ANKRD44: variants seen among roughly 807,000 people sequenced by gnomAD.
ANKRD44 encodes the protein ankyrin repeat domain 44, also known as serine/threonine-protein phosphatase 6 regulatory ankyrin repeat subunit B.
ANKRD44 carries 35 observed loss-of-function variants against 116.0 expected under a neutral mutation model. The ratio of observed to expected loss-of-function variants is 0.30; its 90% CI spans 0.23 to 0.40. The LOEUF is 0.40. Among genes scored for constraint, ANKRD44 ranks in the 10% least tolerant of loss-of-function variants. ANKRD44 has a pLI of 1.00. For synonymous variants in ANKRD44, 435 were observed against 461.8 expected, an observed-to-expected ratio of 0.94 and a Z score of 0.74; for missense variants, 1,014 against 1,242.6, an observed-to-expected ratio of 0.82 and a Z score of 2.77.
In ANKRD44 at chr2:196,987,719, C is replaced by T. The variant is rs924186945; in HGVS notation, c.*1872G>A. 1 of 985,368 alleles carries T rather than the reference C, an allele frequency of 1.0e-6. No homozygotes were observed. The highest frequency in any genetic ancestry group is 1.2e-6 in the Non-Finnish European group (1 of 829,902). 61.0% of individuals were successfully genotyped at this position (985,368 alleles called of 1,614,324 possible). On this transcript the variant is annotated 3_prime_UTR_variant, in exon 28 of 28. Transcript: ENST00000282272. ...GAGATAGTAATGTATTTAGCAAAGA[C>T]AGGCAGACACTGGCAAATAAGTAAG...
chr2:197,260,801 T>G (rs1306485983), intron 1 of ANKRD44, among the ~76,000 whole-genome samples: 1 of 142,786 alleles, frequency 7.0e-6, no homozygotes, highest in African/African-American at 2.6e-5. Flanking sequence ...GGTATCTCAT[T>G]GTGGTTTTGA....
At chr2:197,209,318 C>T (rs1216147549) in intron 1 of ANKRD44, among the ~76,000 whole-genome samples, 1 of 152,124 alleles carries the variant, frequency 6.6e-6, no homozygotes, top group Non-Finnish European at 1.5e-5. Context: ...CTGCTTCAGC[C>T]CTGCTAAATC....
chr2:197,127,462 A>G, intron 4 of ANKRD44, among the ~76,000 whole-genome samples: 1 of 152,172 alleles, frequency 6.6e-6, no homozygotes, highest in Non-Finnish European at 1.5e-5. Flanking sequence ...TTTACAAGGG[A>G]GTAATTTGAT....
At chr2:197,007,959 G>A (rs1482892799) in intron 19 of ANKRD44, 36 bp from the exon 20 acceptor site, 1 of 1,460,882 alleles carries the variant, frequency 6.8e-7, no homozygotes, top group African/African-American at 1.4e-5. Context: ...TTAAAAAGGA[G>A]ATTTAAAAAA....
At chr2:197,020,949 TCCC>T (rs953887278) in intron 17 of ANKRD44, among the ~76,000 whole-genome samples, 4 of 151,436 alleles carry the variant, frequency 2.6e-5, no homozygotes, top group Non-Finnish European at 5.9e-5. Context: ...CCCTCCTCCC[TCCC>T]CCCATCCCAC....
At chr2:197,107,645 C>T (rs1025689151) in intron 9 of ANKRD44, among the ~76,000 whole-genome samples, 1 of 152,292 alleles carries the variant, frequency 6.6e-6, no homozygotes, top group South Asian at 2.1e-4. Flanking sequence ...AACACCAATG[C>T]AATTTAACAA....
chr2:197,188,281 T>C (rs1043312804), intron 1 of ANKRD44, among the ~76,000 whole-genome samples: 2 of 152,134 alleles, frequency 1.3e-5, no homozygotes, highest in Non-Finnish European at 2.9e-5. Flanking sequence ...GGTAGGAGGC[T>C]GGGTGAAGAC....
At chr2:197,237,884 G>A (rs1199978528) in intron 1 of ANKRD44, among the ~76,000 whole-genome samples, 1 of 152,160 alleles carries the variant, frequency 6.6e-6, no homozygotes, top group Non-Finnish European at 1.5e-5. Context: ...GCAACTTCCG[G>A]ATGCCCTTCC....
At chr2:197,181,067 A>G (rs969221240) in intron 2 of ANKRD44, among the ~76,000 whole-genome samples, 6 of 152,154 alleles carry the variant, frequency 3.9e-5, no homozygotes, top group African/African-American at 1.4e-4. Context: ...TTTACTATAC[A>G]TTCCTTAGCA....
chr2:197,219,436 A>G (rs1178241553), intron 1 of ANKRD44, among the ~76,000 whole-genome samples: 2 of 152,198 alleles, frequency 1.3e-5, no homozygotes, highest in African/African-American at 2.4e-5. Context: ...TAACATTGTT[A>G]TATGACATCA....
At chr2:197,001,697 T>C in intron 22 of ANKRD44, 56 bp downstream of exon 22, 1 of 1,348,762 alleles carries the variant, frequency 7.4e-7, no homozygotes, top group Non-Finnish European at 1.0e-6. Flanking sequence ...GCAACTTTTC[T>C]ATGTGTAGTT....
intron 19 of ANKRD44, 40 bp from the exon 20 acceptor site, chr2:197,007,963 TA>T (rs781438922): frequency 2.9e-6 from 4 of 1,390,812 alleles, no homozygotes; most frequent in African/African-American, 2.9e-5. Context: ...AAAGGAGATT[TA>T]AAAAAATATT....
At chr2:197,247,978 T>C (rs796595815) in intron 1 of ANKRD44, among the ~76,000 whole-genome samples, 3 of 152,146 alleles carry the variant, frequency 2.0e-5, no homozygotes, top group African/African-American at 7.2e-5. Flanking sequence ...AACTAATCAC[T>C]AGGGACACGG....
chr2:197,181,989 A>G (rs904843548), intron 2 of ANKRD44, among the ~76,000 whole-genome samples: 4 of 152,184 alleles, frequency 2.6e-5, no homozygotes, highest in Non-Finnish European at 5.9e-5. Flanking sequence ...TTCACCACTG[A>G]CAGGCGTCAC....
intron 14 of ANKRD44, 65 bp from the exon 15 acceptor site, chr2:197,081,790 G>A: frequency 7.6e-7 from 1 of 1,312,170 alleles, no homozygotes; most frequent in South Asian, 1.2e-5. Context: ...AGCTGTTAAT[G>A]GTTTTGGTGC....
intron 10 of ANKRD44, chr2:197,099,604 T>G (rs2078242248): frequency 1.6e-6 from 2 of 1,262,176 alleles, no homozygotes; most frequent in Non-Finnish European, 2.0e-6. Context: ...GAAATAGACC[T>G]CATTTGGATG....
chr2:197,208,027 G>A (rs908844744), intron 1 of ANKRD44, among the ~76,000 whole-genome samples: 9 of 152,158 alleles, frequency 5.9e-5, no homozygotes, highest in Admixed American at 1.3e-4. Flanking sequence ...TGGTTTTATC[G>A]TAGTATTACA....
At chr2:197,266,911 G>A (rs775927000) in intron 1 of ANKRD44, among the ~76,000 whole-genome samples, 1 of 152,024 alleles carries the variant, frequency 6.6e-6, no homozygotes, top group African/African-American at 2.4e-5. Flanking sequence ...CAAAAAGCTT[G>A]ACCGTCTCAG....
intron 8 of ANKRD44, among the ~76,000 whole-genome samples, chr2:197,111,112 A>G (rs2078554263): frequency 6.6e-6 from 1 of 152,206 alleles, no homozygotes; most frequent in South Asian, 2.1e-4. Context: ...TGAAAGGAAA[A>G]GATAAAATGT....
Sources: allele counts gnomAD v4.1 joint callset (sites outside exome capture counted in the v4.1 genomes callset), GRCh38; gene constraint gnomAD v4.1.1; transcripts MANE v1.5; gene names NCBI Gene and HGNC (gene_info 2026-07-23, HGNC 2026-07-21).